RSPO3: variants seen among roughly 807,000 people sequenced by gnomAD.
RSPO3 encodes R-spondin-3.
In RSPO3, 17 loss-of-function variants were observed where a neutral mutation model predicts 36.5. The ratio of observed to expected loss-of-function variants is 0.47; its 90% CI spans 0.32 to 0.70. The LOEUF (loss-of-function observed/expected upper bound fraction) is 0.70. Ranked by LOEUF, RSPO3 falls within the 30% of genes least tolerant of loss-of-function variation. RSPO3 has a pLI of 0.04. For missense variants in RSPO3, 294 were observed against 322.5 expected (o/e 0.91, Z 0.68); for synonymous variants, 108 against 107.0 (o/e 1.01, Z -0.06).
intron 1 of RSPO3, among the ~76,000 whole-genome samples, chr6:127,123,344 C>A (rs1221110988): frequency 2.6e-5 from 4 of 152,102 alleles, no homozygotes; most frequent in African/African-American, 9.7e-5. Context: ...ACGTTTCTCA[C>A]CAGTCTGCCT....
chr6:127,168,094 G>A (rs1437785364), intron 4 of RSPO3, among the ~76,000 whole-genome samples: 1 of 152,094 alleles, frequency 6.6e-6, no homozygotes, highest in African/African-American at 2.4e-5. Flanking sequence ...GCAGCATGAT[G>A]TATAATCCTT....
At chr6:127,124,407 A>G (rs566325636) in intron 1 of RSPO3, among the ~76,000 whole-genome samples, 1 of 152,256 alleles carries the variant, frequency 6.6e-6, no homozygotes, top group East Asian at 1.9e-4. Context: ...GGAAAACATC[A>G]TTCAGTTTTA....
chr6:127,191,919 A>G (rs1052789791), intron 4 of RSPO3, among the ~76,000 whole-genome samples: 2 of 152,148 alleles, frequency 1.3e-5, no homozygotes, highest in Admixed American at 1.3e-4. Context: ...GTAATATTCT[A>G]TATATAGACT....
intron 3 of RSPO3, among the ~76,000 whole-genome samples, chr6:127,151,643 T>A (rs1009035009): frequency 6.6e-6 from 1 of 152,110 alleles, no homozygotes; most frequent in African/African-American, 2.4e-5. Context: ...AGCACTTTTA[T>A]TTCTAAACAA....
At chr6:127,134,279 T>C (rs141187967) in intron 1 of RSPO3, among the ~76,000 whole-genome samples, 1 of 152,358 alleles carries the variant, frequency 6.6e-6, no homozygotes, top group African/African-American at 2.4e-5. Context: ...CCACTTTAAA[T>C]GTAGTTAGCA....
Position 127,155,428 on chromosome 6 carries a change from G to T in RSPO3, c.624G>T (p.Lys208Asn). ...CAGTGCAAAGGAAGAAGTGTCAGAAGGGAGAACGAGGTACAATCATAATAA... is the reference window on the plus strand; with the variant it reads ...CAGTGCAAAGGAAGAAGTGTCAGAATGGAGAACGAGGTACAATCATAATAA... ...KCTVQRKKCQ[K>N]GERGKKGRER... Residue 208 changes from lysine to asparagine, a missense_variant, in exon 4 of 5, where the codon AAG (lysine) becomes AAT (asparagine). Physicochemically the swap from Lys to Asn is moderately conservative, Grantham distance 94 (BLOSUM62 0). Coordinates refer to ENST00000356698, the MANE Select transcript of RSPO3 (RefSeq NM_032784.5). 6.2e-7 allele frequency: 1 copy of T among 1,613,128 alleles called. No homozygotes were observed. Among genetic ancestry groups the T allele is most frequent in the Non-Finnish European group, 8.5e-7 (1 of 1,179,440 alleles).
chr6:127,187,671 T>A (rs1452999074), intron 4 of RSPO3, among the ~76,000 whole-genome samples: 1 of 152,134 alleles, frequency 6.6e-6, no homozygotes, highest in African/African-American at 2.4e-5. Context: ...TTATGATCTA[T>A]CCTAAGGTGA....
At chr6:127,123,336 G>A (rs959362599) in intron 1 of RSPO3, among the ~76,000 whole-genome samples, 11 of 152,070 alleles carry the variant, frequency 7.2e-5, no homozygotes, top group Admixed American at 5.9e-4. Context: ...ACTTGTCTAC[G>A]TTTCTCACCA....
At chr6:127,193,999 T>C (rs1162235609) in intron 4 of RSPO3, among the ~76,000 whole-genome samples, 2 of 152,200 alleles carry the variant, frequency 1.3e-5, no homozygotes, top group Non-Finnish European at 2.9e-5. Flanking sequence ...ATTGTCCCTT[T>C]AGATTCCAGA....
intron 4 of RSPO3, among the ~76,000 whole-genome samples, chr6:127,186,575 G>T (rs1232931865): frequency 6.6e-6 from 1 of 151,858 alleles, no homozygotes; most frequent in Non-Finnish European, 1.5e-5. Context: ...AACTCAAAAA[G>T]ATCTACAGCA....
intron 4 of RSPO3, chr6:127,192,543 C>A: frequency 2.2e-6 from 1 of 461,598 alleles, no homozygotes; most frequent in Non-Finnish European, 2.8e-6. Context: ...GGACAGTGTA[C>A]TTAAATGTTA....
At chr6:127,126,275 A>T (rs1052141054) in intron 1 of RSPO3, among the ~76,000 whole-genome samples, 1 of 152,138 alleles carries the variant, frequency 6.6e-6, no homozygotes, top group Non-Finnish European at 1.5e-5. Flanking sequence ...AGTCACTCAC[A>T]TAAAAATGAT....
intron 1 of RSPO3, among the ~76,000 whole-genome samples, chr6:127,146,615 A>T (rs965815807): frequency 3.3e-5 from 5 of 152,192 alleles, no homozygotes; most frequent in Non-Finnish European, 5.9e-5. Flanking sequence ...TTCAGAATAC[A>T]TAAAATTAGA....
chr6:127,132,489 G>A (rs1227932988), intron 1 of RSPO3, among the ~76,000 whole-genome samples: 12 of 151,830 alleles, frequency 7.9e-5, no homozygotes, highest in Non-Finnish European at 1.8e-4. Context: ...CTGACTACTC[G>A]TGCTTTAATG....
intron 4 of RSPO3, among the ~76,000 whole-genome samples, chr6:127,174,280 A>G (rs1309389332): frequency 6.6e-6 from 1 of 151,924 alleles, no homozygotes; most frequent in Admixed American, 6.6e-5. Context: ...GGTAAAACCT[A>G]CTAGCAGTCT....
At chr6:127,171,295 G>T (rs1347003460) in intron 4 of RSPO3, among the ~76,000 whole-genome samples, 1 of 151,648 alleles carries the variant, frequency 6.6e-6, no homozygotes, top group Non-Finnish European at 1.5e-5. Context: ...AAATATATCA[G>T]TGTGCTCCCC....
At chr6:127,192,767 CGT>C in intron 4 of RSPO3, 43 of 732,770 alleles carry the variant, frequency 5.9e-5, no homozygotes, top group Non-Finnish European at 6.7e-5. Flanking sequence ...GCAAAGCACA[CGT>C]GTGTGTGTAT....
chr6:127,161,265 T>C (rs1774705096), intron 4 of RSPO3, among the ~76,000 whole-genome samples: 1 of 152,164 alleles, frequency 6.6e-6, no homozygotes, highest in Non-Finnish European at 1.5e-5. Flanking sequence ...AGCCAGCACC[T>C]TGATAGATAT....
intron 1 of RSPO3, among the ~76,000 whole-genome samples, chr6:127,131,641 T>A (rs968611017): frequency 1.8e-4 from 27 of 152,224 alleles, no homozygotes; most frequent in African/African-American, 6.5e-4. Flanking sequence ...AATTTTATAA[T>A]CTTCCAAAGA....
Sources: gnomAD v4.1 joint callset for allele counts (sites outside exome capture counted in the v4.1 genomes callset) on GRCh38, gnomAD v4.1.1 for gene constraint, MANE v1.5 for transcripts, NCBI Gene and HGNC (gene_info 2026-07-23, HGNC 2026-07-21) for gene names.